Variants in TTC7B observed in about 807,000 individuals in gnomAD.
TTC7B encodes tetratricopeptide repeat domain 7B, also known as tetratricopeptide repeat protein 7B.
TTC7B carries 28 observed loss-of-function variants against 106.8 expected under a neutral mutation model. The observed-to-expected ratio is 0.26, with a 90% CI of 0.19 to 0.36. The LOEUF (loss-of-function observed/expected upper bound fraction) is 0.36. TTC7B is among the 10% of genes least tolerant of loss of function. The pLI, the probability that TTC7B is intolerant of heterozygous loss-of-function variation, is 1.00. For synonymous variants in TTC7B, 405 were observed against 430.6 expected (o/e 0.94, Z 0.74); for missense variants, 862 against 1,076.4 (o/e 0.80, Z 2.79).
chr14:90,655,379 T>C (rs942390125), intron 11 of TTC7B, among the ~76,000 whole-genome samples: 2 of 152,228 alleles, frequency 1.3e-5, no homozygotes, highest in African/African-American at 2.4e-5. Context: ...TGGGGGTCTA[T>C]CTTTTTCATC....
chr14:90,582,557 A>G (rs974098189), intron 18 of TTC7B, among the ~76,000 whole-genome samples: 1 of 152,252 alleles, frequency 6.6e-6, no homozygotes, highest in East Asian at 1.9e-4. Context: ...AGCAACTTCC[A>G]TTCACCAGAA....
At chr14:90,622,899 A>T (rs1327434425) in intron 15 of TTC7B, among the ~76,000 whole-genome samples, 1 of 152,118 alleles carries the variant, frequency 6.6e-6, no homozygotes, top group Non-Finnish European at 1.5e-5. Flanking sequence ...GTCCACCCAC[A>T]TGCTTAGCTA....
chr14:90,682,595 C>T (rs934884313), intron 7 of TTC7B, among the ~76,000 whole-genome samples: 21 of 152,180 alleles, frequency 1.4e-4, no homozygotes, highest in African/African-American at 5.1e-4. Context: ...CCTTTTGTGG[C>T]CTTCTCCTCT....
intron 1 of TTC7B, among the ~76,000 whole-genome samples, chr14:90,800,293 T>C (rs2140055301): frequency 6.6e-6 from 1 of 152,010 alleles, no homozygotes; most frequent in Admixed American, 6.6e-5. Flanking sequence ...AAGAGAGAAA[T>C]AGACTGAGTG....
chr14:90,557,325 G>C (rs1464425427), intron 19 of TTC7B, among the ~76,000 whole-genome samples: 1 of 152,168 alleles, frequency 6.6e-6, no homozygotes, highest in African/African-American at 2.4e-5. Flanking sequence ...GTGGGGCAGA[G>C]GGCCACGCTC....
At chr14:90,780,991 A>G (rs1041081798) in intron 2 of TTC7B, 85 bp from the exon 3 acceptor site, 6 of 1,202,184 alleles carry the variant, frequency 5.0e-6, no homozygotes, top group Non-Finnish European at 7.2e-6. Context: ...CTGCTGCCGT[A>G]AAACCCCACA....
intron 4 of TTC7B, among the ~76,000 whole-genome samples, chr14:90,738,710 G>C (rs1889640696): frequency 6.6e-6 from 1 of 152,134 alleles, no homozygotes; most frequent in Non-Finnish European, 1.5e-5. Flanking sequence ...TTTGTCCTTA[G>C]GAAATAATGT....
intron 15 of TTC7B, among the ~76,000 whole-genome samples, chr14:90,641,923 G>T (rs1885189590): frequency 7.3e-6 from 1 of 136,642 alleles, no homozygotes; most frequent in South Asian, 2.4e-4. Flanking sequence ...GAAAGAGCTT[G>T]TGTGTGTGTG....
chr14:90,631,149 A>G (rs889742358), intron 15 of TTC7B, among the ~76,000 whole-genome samples: 1 of 152,096 alleles, frequency 6.6e-6, no homozygotes, highest in Non-Finnish European at 1.5e-5. Context: ...CTTCCTTCTT[A>G]AGGCTGAATA....
At position 90,599,299 on chromosome 14, in the gene TTC7B, TCA is replaced by T. The variant is rs564474594; in HGVS notation, c.1967-5675_1967-5674del. Among the ~76,000 whole-genome samples the T allele has an allele frequency of 2.8e-3, 421 of 152,332 alleles. 1 individual carries two copies. The highest frequency in any genetic ancestry group is 9.5e-3 in the African/African-American group (393 of 41,574). On this transcript the variant is annotated intron_variant, in intron 17 of 19. Transcript: ENST00000328459. ...CTCTCCTTCTAACTGTCTGGTGGCC[TCA>T]GTTAAGTGGCTGCAGTCTGAAGGAC... is the stretch of plus-strand genomic sequence containing the variant.
At chr14:90,667,361 C>A (rs8004801) in intron 9 of TTC7B, among the ~76,000 whole-genome samples, 95,922 of 151,976 alleles carry the variant, frequency 0.63, 30,489 homozygotes, top group East Asian at 0.87. Flanking sequence ...AGGACAGAAG[C>A]AGGGTCGCTG....
chr14:90,729,661 C>A (rs560796940), intron 5 of TTC7B, among the ~76,000 whole-genome samples: 27 of 152,352 alleles, frequency 1.8e-4, no homozygotes, highest in Admixed American at 6.5e-4. Context: ...TTTGGCAAAT[C>A]CAATTCCCTG....
At chr14:90,723,169 G>A (rs1291815306) in intron 5 of TTC7B, among the ~76,000 whole-genome samples, 1 of 152,072 alleles carries the variant, frequency 6.6e-6, no homozygotes, top group East Asian at 1.9e-4. Context: ...TCTAACCAAT[G>A]GTTCAAGGCT....
chr14:90,815,270 G>C (rs1461845392), intron 1 of TTC7B, among the ~76,000 whole-genome samples: 1 of 152,106 alleles, frequency 6.6e-6, no homozygotes, highest in Non-Finnish European at 1.5e-5. Flanking sequence ...AAAGATACTC[G>C]CTTCCAAAAC....
chr14:90,799,473 GA>G (rs1405977514), intron 1 of TTC7B, among the ~76,000 whole-genome samples: 2 of 152,224 alleles, frequency 1.3e-5, no homozygotes, highest in Admixed American at 6.5e-5. Flanking sequence ...GCTGTGCAGA[GA>G]AAAGAGGGTG....
chr14:90,659,838 C>T (rs1009275823), intron 9 of TTC7B, among the ~76,000 whole-genome samples: 3 of 152,144 alleles, frequency 2.0e-5, no homozygotes, highest in Admixed American at 6.5e-5. Context: ...TCAAGCCTCT[C>T]GCTAACATGA....
chr14:90,709,031 A>G (rs933255700), intron 5 of TTC7B, among the ~76,000 whole-genome samples: 4 of 151,450 alleles, frequency 2.6e-5, no homozygotes, highest in African/African-American at 9.7e-5. Context: ...AAAAGTCAGG[A>G]AACAACAGGT....
chr14:90,695,416 T>A lies in TTC7B; in HGVS notation c.777+84A>T. On this transcript the variant is annotated intron_variant, in intron 6 of 19. Transcript: ENST00000328459. The stretch of plus-strand genomic sequence containing the variant: ...ACATATATGTCACATATATTTATAA[T>A]ACATAAATGTAAAAAAATATGAATG... 4 of 635,742 alleles carry A rather than the reference T, an allele frequency of 6.3e-6. 1 individual carries two copies. The highest frequency in any genetic ancestry group is 1.0e-5 in the Non-Finnish European group (4 of 395,508). The allele number at this position is 635,742 out of a possible 1,614,324, so 39.4% of individuals were successfully genotyped here. A position where few individuals can be genotyped will look rare whatever the true frequency, so the allele number is the denominator to read the frequency against.
chr14:90,684,709 G>T (rs1233315767), intron 7 of TTC7B, among the ~76,000 whole-genome samples: 2 of 152,184 alleles, frequency 1.3e-5, no homozygotes, highest in Non-Finnish European at 2.9e-5. Flanking sequence ...GGAGAGTGCT[G>T]CCCTGGATGG....
Sources: gnomAD v4.1 joint callset for allele counts (sites outside exome capture counted in the v4.1 genomes callset) on GRCh38, gnomAD v4.1.1 for gene constraint, MANE v1.5 for transcripts, NCBI Gene and HGNC (gene_info 2026-07-23, HGNC 2026-07-21) for gene names.